CADM2: variants seen among roughly 807,000 people sequenced by gnomAD.
CADM2 encodes the protein cell adhesion molecule 2.
A neutral mutation model predicts 49.8 loss-of-function variants in CADM2; 12 were observed. The observed-to-expected ratio is 0.24, with a 90% CI of 0.15 to 0.39. The LOEUF (loss-of-function observed/expected upper bound fraction) is 0.39. Ranked by LOEUF, CADM2 falls within the 10% of genes least tolerant of loss-of-function variation. The pLI is 1.00. For synonymous variants in CADM2, 214 were observed against 175.4 expected, an observed-to-expected ratio of 1.22 and a Z score of -1.74; for missense variants, 378 against 492.3, an observed-to-expected ratio of 0.77 and a Z score of 2.20.
intron 1 of CADM2, among the ~76,000 whole-genome samples, chr3:85,393,098 A>AAAG (rs71108286): frequency 1.3e-5 from 1 of 79,900 alleles, no homozygotes; most frequent in Non-Finnish European, 2.6e-5. Flanking sequence ...TTAAAAAAAA[A>AAAG]AAAAAGAAAA....
intron 1 of CADM2, among the ~76,000 whole-genome samples, chr3:85,332,728 G>A (rs2107157168): frequency 6.6e-6 from 1 of 151,928 alleles, no homozygotes; most frequent in South Asian, 2.1e-4. Flanking sequence ...AGTTTTCTGT[G>A]TTATACAAGT....
Position 85,744,610 on chromosome 3 carries a change from A to T in CADM2, c.88+18062A>T, listed in dbSNP as rs550342993. 8.5e-5 allele frequency among the ~76,000 whole-genome samples: 13 copies of T among 152,294 alleles called. No homozygotes were observed. The South Asian group carries it at 2.7e-3, about 32-fold the overall frequency. On this transcript the variant is annotated intron_variant, in intron 2 of 9. Transcript: ENST00000383699. ...AGAAGACGATGTTTGGACAGAATGAAGGTGGGGAGGGAGCAGCCATGAGGC... is the reference window on the plus strand; with the variant it reads ...AGAAGACGATGTTTGGACAGAATGATGGTGGGGAGGGAGCAGCCATGAGGC...
intron 8 of CADM2, among the ~76,000 whole-genome samples, chr3:86,024,885 A>G (rs1391963348): frequency 6.6e-6 from 1 of 151,192 alleles, no homozygotes. Flanking sequence ...ATTATAATAT[A>G]TATTTTTTCT....
At position 85,405,709 on chromosome 3, in the gene CADM2, T is replaced by A. The variant is rs530210747; in HGVS notation, c.62-320813T>A. ...TTCTTAAAAGCTCCTAGTTTTTTTT[T>A]AAATTTTAATTTTATTTTAAGTTTT... On this transcript the variant is annotated intron_variant, in intron 1 of 9. Coordinates refer to ENST00000383699, the MANE Select transcript of CADM2 (RefSeq NM_001167675.2). 5.3e-5 allele frequency among the ~76,000 whole-genome samples: 8 copies of A among 152,162 alleles called. No individual in the cohort carries two copies. The South Asian group carries it at 6.2e-4, about 12-fold the overall frequency.
At chr3:85,697,515 A>G (rs1349129) in intron 1 of CADM2, among the ~76,000 whole-genome samples, 63,547 of 151,922 alleles carry the variant, frequency 0.42, 13,358 homozygotes, top group South Asian at 0.49. Flanking sequence ...ATGATACACA[A>G]AAACAATGAA....
chr3:85,985,507 A>T (rs1727983313), intron 8 of CADM2, among the ~76,000 whole-genome samples: 1 of 152,010 alleles, frequency 6.6e-6, no homozygotes, highest in South Asian at 2.1e-4. Context: ...GTTAACTAAA[A>T]TACTTAAAAT....
chr3:85,222,159 G>C (rs753424708), intron 1 of CADM2, among the ~76,000 whole-genome samples: 14 of 152,076 alleles, frequency 9.2e-5, no homozygotes, highest in Non-Finnish European at 1.8e-4. Context: ...TCACTTGTTG[G>C]CTTTGTTACT....
intron 1 of CADM2, among the ~76,000 whole-genome samples, chr3:85,205,154 A>C (rs2041601849): frequency 6.6e-6 from 1 of 151,624 alleles, no homozygotes; most frequent in Admixed American, 6.6e-5. Flanking sequence ...AGAAGCAGGG[A>C]ATACATGCAG....
At chr3:85,747,691 G>T (rs894936254) in intron 2 of CADM2, among the ~76,000 whole-genome samples, 7 of 152,064 alleles carry the variant, frequency 4.6e-5, no homozygotes, top group African/African-American at 1.4e-4. Flanking sequence ...TAATATGCAG[G>T]CTGTTTCAGT....
chr3:85,402,921 A>C (rs753310851), intron 1 of CADM2, among the ~76,000 whole-genome samples: 169 of 152,128 alleles, frequency 1.1e-3, no homozygotes, highest in Admixed American at 2.8e-3. Flanking sequence ...GTTAATATAG[A>C]TATAGATATA....
chr3:85,081,968 CA>C (rs35686044), intron 1 of CADM2, among the ~76,000 whole-genome samples: 5 of 152,000 alleles, frequency 3.3e-5, no homozygotes, highest in Non-Finnish European at 5.9e-5. Context: ...TAACTAATAT[CA>C]AAAAAACTTT....
intron 1 of CADM2, among the ~76,000 whole-genome samples, chr3:85,499,903 T>C (rs1232992331): frequency 6.6e-6 from 1 of 152,186 alleles, no homozygotes; most frequent in African/African-American, 2.4e-5. Flanking sequence ...GGAAAACTGA[T>C]AAGATTTTTC....
intron 1 of CADM2, among the ~76,000 whole-genome samples, chr3:84,969,089 ACTTT>A (rs1462595643): frequency 6.6e-6 from 1 of 151,942 alleles, no homozygotes; most frequent in East Asian, 1.9e-4. Context: ...CAAGGGGGAT[ACTTT>A]CTTATATTAC....
At chr3:85,501,625 ATATT>A (rs2040118754) in intron 1 of CADM2, among the ~76,000 whole-genome samples, 1 of 152,128 alleles carries the variant, frequency 6.6e-6, no homozygotes, top group Non-Finnish European at 1.5e-5. Flanking sequence ...GAATAACAAT[ATATT>A]TATATCATAA....
chr3:84,979,052 G>T (rs891900859), intron 1 of CADM2, among the ~76,000 whole-genome samples: 7 of 152,130 alleles, frequency 4.6e-5, no homozygotes, highest in African/African-American at 1.7e-4. Flanking sequence ...GTTACTCAGA[G>T]GGTGTTAGGC....
chr3:85,245,557 T>C (rs2042629021), intron 1 of CADM2, among the ~76,000 whole-genome samples: 1 of 151,244 alleles, frequency 6.6e-6, no homozygotes, highest in Non-Finnish European at 1.5e-5. Flanking sequence ...TAAAGGAGAA[T>C]TTCACCTGAG....
rs1425465663 is a variant in CADM2, at chr3:86,068,538, C to G, written c.*1755C>G. ...TTTGGGTAATAAGAATGGTTGAGTGCAACATCATGTATTAATATCAAATGA... is the reference window on the plus strand; with the variant it reads ...TTTGGGTAATAAGAATGGTTGAGTGGAACATCATGTATTAATATCAAATGA... On this transcript the variant is annotated 3_prime_UTR_variant, in exon 10 of 10. Coordinates refer to ENST00000383699, the MANE Select transcript of CADM2 (RefSeq NM_001167675.2). The G allele has an allele frequency of 6.6e-6, 1 of 151,840 alleles. No individual in the cohort carries two copies. Among genetic ancestry groups the G allele is most frequent in the African/African-American group, 2.4e-5 (1 of 41,412 alleles). 9.4% of individuals were successfully genotyped at this position (151,840 alleles called of 1,614,324 possible). A position where few individuals can be genotyped will look rare whatever the true frequency, so the allele number is the denominator to read the frequency against.
intron 1 of CADM2, among the ~76,000 whole-genome samples, chr3:85,596,484 T>C (rs1019469724): frequency 1.3e-5 from 2 of 152,110 alleles, no homozygotes; most frequent in African/African-American, 4.8e-5. Context: ...TGGTGACTGA[T>C]ATTTTAAAAA....
At chr3:86,061,891 GT>G (rs1232997321) in intron 8 of CADM2, among the ~76,000 whole-genome samples, 4 of 149,944 alleles carry the variant, frequency 2.7e-5, no homozygotes, top group Non-Finnish European at 5.9e-5. Context: ...AAATTTAGAT[GT>G]TACTTTTCCA....
Sources: gnomAD v4.1 joint callset for allele counts (sites outside exome capture counted in the v4.1 genomes callset) on GRCh38, gnomAD v4.1.1 for gene constraint, MANE v1.5 for transcripts, NCBI Gene and HGNC (gene_info 2026-07-23, HGNC 2026-07-21) for gene names.